The following NDUFAF2 variants were observed in gnomAD, a reference collection of about 807,000 sequenced individuals.
NDUFAF2 encodes NADH:ubiquinone oxidoreductase complex assembly factor 2, also known as NADH dehydrogenase [ubiquinone] 1 alpha subcomplex assembly factor 2.
Under a neutral mutation model 22.8 loss-of-function variants are expected in NDUFAF2, and 13 were observed. The observed-to-expected ratio is 0.57, with a 90% CI of 0.37 to 0.91. NDUFAF2 has a LOEUF of 0.91. Ranked by LOEUF, NDUFAF2 falls within the 40% of genes least tolerant of loss-of-function variation. The pLI is 0.01. For synonymous variants in NDUFAF2, 53 were observed against 64.2 expected (o/e 0.83, Z 0.84); for missense variants, 162 against 195.2 (o/e 0.83, Z 1.01).
At chr5:60,956,148 G>A (rs545845568) in intron 1 of NDUFAF2, among the ~76,000 whole-genome samples, 135 of 152,160 alleles carry the variant, frequency 8.9e-4, no homozygotes, top group African/African-American at 3.1e-3. Flanking sequence ...TGATCCACCT[G>A]CCTCGGCCTC....
intron 1 of NDUFAF2, among the ~76,000 whole-genome samples, chr5:61,035,987 C>T (rs751929508): frequency 1.3e-4 from 20 of 152,072 alleles, no homozygotes; most frequent in Admixed American, 2.6e-4. Flanking sequence ...CAAAACTCAC[C>T]GGTTTAACAG....
intron 3 of NDUFAF2, among the ~76,000 whole-genome samples, chr5:61,130,918 CCTT>C (rs1753100716): frequency 6.6e-6 from 1 of 152,030 alleles, no homozygotes; most frequent in South Asian, 2.1e-4. Flanking sequence ...ACAGGTTCAA[CCTT>C]CTTTAGGCTG....
chr5:61,095,611 C>T (rs968855509), intron 2 of NDUFAF2, among the ~76,000 whole-genome samples: 5 of 152,180 alleles, frequency 3.3e-5, no homozygotes, highest in Non-Finnish European at 5.9e-5. Context: ...TGTAGAGCTG[C>T]GCCTCTGTGC....
At chr5:61,130,439 T>C (rs1272669447) in intron 3 of NDUFAF2, among the ~76,000 whole-genome samples, 1 of 152,114 alleles carries the variant, frequency 6.6e-6, no homozygotes, top group Non-Finnish European at 1.5e-5. Flanking sequence ...TTGGTTATCA[T>C]GAAAGCAACA....
chr5:60,996,473 G>T (rs144202302), intron 1 of NDUFAF2, among the ~76,000 whole-genome samples: 1 of 152,062 alleles, frequency 6.6e-6, no homozygotes, highest in Non-Finnish European at 1.5e-5. Context: ...GAAGGAAGGG[G>T]TCTATTTTGG....
At chr5:61,074,480 G>A (rs536315093) in intron 2 of NDUFAF2, among the ~76,000 whole-genome samples, 4 of 152,078 alleles carry the variant, frequency 2.6e-5, no homozygotes, top group Non-Finnish European at 4.4e-5. Context: ...CCAGCTACTC[G>A]GGAGGCTGAG....
At chr5:60,983,018 A>G (rs1273103845) in intron 1 of NDUFAF2, among the ~76,000 whole-genome samples, 1 of 151,774 alleles carries the variant, frequency 6.6e-6, no homozygotes, top group Admixed American at 6.6e-5. Context: ...TCCCACCAAC[A>G]GTGTAAAAGT....
chr5:60,945,740 A>G (rs4647030), intron 1 of NDUFAF2, among the ~76,000 whole-genome samples: 9,688 of 152,278 alleles, frequency 0.064, 1,017 homozygotes, highest in African/African-American at 0.22. Context: ...AGGCAGGGAA[A>G]AGTCCACGGA....
chr5:61,016,562 T>G (rs1751514096), intron 1 of NDUFAF2, among the ~76,000 whole-genome samples: 1 of 152,214 alleles, frequency 6.6e-6, no homozygotes, highest in Non-Finnish European at 1.5e-5. Flanking sequence ...TCACTAATTT[T>G]GCCTTCTACC....
intron 3 of NDUFAF2, chr5:61,116,567 G>A (rs1406591253): frequency 6.6e-6 from 1 of 152,166 alleles, no homozygotes; most frequent in Non-Finnish European, 1.5e-5. Context: ...AGTAATACTA[G>A]AAGCTAGAAG....
rs1333412741 is a variant in NDUFAF2, at chr5:61,106,745, A to G, written c.258+7713A>G. On this transcript the variant is annotated intron_variant, in intron 3 of 3. Coordinates refer to ENST00000296597, the MANE Select transcript of NDUFAF2 (RefSeq NM_174889.5). ...AATCATCCTTCTACTCTCTATCTCC[A>G]TAAGTTCAACTCCCACAAATGAGTG... 2.0e-5 allele frequency among the ~76,000 whole-genome samples: 3 copies of G among 150,368 alleles called. No homozygotes were observed. In the East Asian group the frequency reaches 5.9e-4, roughly 29 times the overall value.
chr5:61,060,205 A>G (rs756659952), intron 1 of NDUFAF2, among the ~76,000 whole-genome samples: 3 of 152,192 alleles, frequency 2.0e-5, no homozygotes, highest in Non-Finnish European at 4.4e-5. Flanking sequence ...CTTAATAAAC[A>G]GATGCTGCAA....
At chr5:60,998,694 AT>A (rs1394304659) in intron 1 of NDUFAF2, among the ~76,000 whole-genome samples, 7 of 148,898 alleles carry the variant, frequency 4.7e-5, no homozygotes, top group Non-Finnish European at 7.5e-5. Flanking sequence ...TAAAAATTCC[AT>A]TTTTTTTTTC....
At chr5:61,125,418 T>C (rs1753025425) in intron 3 of NDUFAF2, among the ~76,000 whole-genome samples, 1 of 151,944 alleles carries the variant, frequency 6.6e-6, no homozygotes. Flanking sequence ...AAGGGAGAAG[T>C]AGGTAGCTGG....
chr5:61,010,514 C>G (rs1024261250), intron 1 of NDUFAF2, among the ~76,000 whole-genome samples: 1 of 152,066 alleles, frequency 6.6e-6, no homozygotes, highest in Non-Finnish European at 1.5e-5. Context: ...TCCTTTATCT[C>G]TCATTTAAAT....
intron 1 of NDUFAF2, among the ~76,000 whole-genome samples, chr5:60,962,391 C>G (rs1189957163): frequency 1.3e-5 from 2 of 152,090 alleles, no homozygotes; most frequent in African/African-American, 4.8e-5. Flanking sequence ...CTTTCATGTT[C>G]CAATTCTTAT....
intron 2 of NDUFAF2, among the ~76,000 whole-genome samples, chr5:61,091,976 G>A (rs990875154): frequency 5.3e-5 from 8 of 152,090 alleles, no homozygotes; most frequent in African/African-American, 1.7e-4. Context: ...GCTTGTTTGT[G>A]TCAGGTTTGT....
At chr5:60,982,298 A>G (rs910314718) in intron 1 of NDUFAF2, among the ~76,000 whole-genome samples, 4 of 152,156 alleles carry the variant, frequency 2.6e-5, no homozygotes, top group Non-Finnish European at 5.9e-5. Context: ...CCTCACAATC[A>G]TGGTGGAAGG....
intron 3 of NDUFAF2, among the ~76,000 whole-genome samples, chr5:61,101,783 T>A (rs1310335833): frequency 1.3e-5 from 2 of 152,136 alleles, no homozygotes; most frequent in Admixed American, 1.3e-4. Flanking sequence ...ATGTGCAAGA[T>A]CTGTGTACTC....
Sources: gnomAD v4.1 joint callset for allele counts (sites outside exome capture counted in the v4.1 genomes callset) on GRCh38, gnomAD v4.1.1 for gene constraint, MANE v1.5 for transcripts, NCBI Gene and HGNC (gene_info 2026-07-23, HGNC 2026-07-21) for gene names.